Variants in AVEN observed in about 807,000 individuals in gnomAD.
AVEN encodes cell death regulator Aven.
AVEN carries 41 observed loss-of-function variants against 38.1 expected under a neutral mutation model. The observed-to-expected ratio is 1.08, with a 90% CI of 0.84 to 1.40. The LOEUF (loss-of-function observed/expected upper bound fraction) is 1.40, where lower values mean the gene tolerates loss of function less well. Ranked by LOEUF, AVEN falls within the 40% of genes most tolerant of loss-of-function variation. AVEN has a pLI of 0.00. For synonymous variants in AVEN, 206 were observed against 171.8 expected (o/e 1.20, Z -1.56); for missense variants, 605 against 438.8 (o/e 1.38, Z -3.38).
chr15:33,878,053 T>C (rs7178927), intron 2 of AVEN, among the ~76,000 whole-genome samples: 5,676 of 152,130 alleles, frequency 0.037, 318 homozygotes, highest in South Asian at 0.12. Flanking sequence ...GAATAAACAT[T>C]TATTAAAAGA....
chr15:34,043,924 C>T (rs928400953), upstream of AVEN, among the ~76,000 whole-genome samples: 2 of 152,084 alleles, frequency 1.3e-5, no homozygotes, highest in Non-Finnish European at 2.9e-5. Context: ...GTCTCTGTCC[C>T]AGTCCAAGGC....
At chr15:33,956,209 G>A (rs769638720) in intron 2 of AVEN, among the ~76,000 whole-genome samples, 21 of 152,020 alleles carry the variant, frequency 1.4e-4, no homozygotes, top group East Asian at 5.8e-4. Flanking sequence ...AAGTCAACAC[G>A]CCTGCCCCTA....
intron 5 of AVEN, chr15:34,062,538 A>G (rs8033781): frequency 0.18 from 101,674 of 566,594 alleles, 11,833 homozygotes; most frequent in Middle Eastern, 0.25. Context: ...CTGGGTGACA[A>G]AGCGAGATTC....
At chr15:34,039,811 G>A (rs1235372135), upstream of AVEN, among the ~76,000 whole-genome samples, 1 of 152,186 alleles carries the variant, frequency 6.6e-6, no homozygotes, top group Non-Finnish European at 1.5e-5. Context: ...TTATTCTGCA[G>A]TGAGGTAACA....
chr15:34,057,707 G>A (rs1031772768), intron 5 of AVEN, among the ~76,000 whole-genome samples: 3 of 152,190 alleles, frequency 2.0e-5, no homozygotes, highest in Non-Finnish European at 4.4e-5. Flanking sequence ...TGAGGCAGGA[G>A]GATCGCTTGA....
rs1350317006 is a variant in AVEN at position 34,039,179 on chromosome 15, G to T, written c.-133C>A. 1 of 793,488 alleles carries T rather than the reference G, an allele frequency of 1.3e-6. No individual in the cohort carries two copies. Among genetic ancestry groups the T allele is most frequent in the African/African-American group, 1.9e-5 (1 of 53,558 alleles). 49.2% of individuals were successfully genotyped at this position (793,488 alleles called of 1,614,324 possible). A position where few individuals can be genotyped will look rare whatever the true frequency, so the allele number is the denominator to read the frequency against. ...GGTAGCAGCGAGGCGCGGGGTGCGGGGCTAGGGATCGAGGCCGGCCGCAGC... is the reference window on the plus strand; with the variant it reads ...GGTAGCAGCGAGGCGCGGGGTGCGGTGCTAGGGATCGAGGCCGGCCGCAGC... On this transcript the variant is annotated 5_prime_UTR_variant, in exon 1 of 6. Transcript: ENST00000306730.
intron 3 of AVEN, among the ~76,000 whole-genome samples, chr15:33,871,976 C>T (rs934796487): frequency 6.6e-6 from 1 of 152,162 alleles, no homozygotes; most frequent in Non-Finnish European, 1.5e-5. Flanking sequence ...TTAAAGTATT[C>T]GGTGCATTAT....
intron 2 of AVEN, among the ~76,000 whole-genome samples, chr15:33,982,045 T>C (rs1271228908): frequency 2.7e-5 from 4 of 149,600 alleles, no homozygotes; most frequent in Non-Finnish European, 4.4e-5. Context: ...TTTTTTTTTA[T>C]TAGTAGAGAC....
chr15:34,003,099 T>C lies in AVEN; in HGVS notation c.378A>G (p.Lys126=), dbSNP rs768844480. Reference sequence around the variant, plus strand: ...ACTCTCCACTTTCATTATTGACCTCTTTTTCAATATCTTGATATCGATCCC... The same window carrying C: ...ACTCTCCACTTTCATTATTGACCTCCTTTTCAATATCTTGATATCGATCCC... ...SNWDRYQDIE[K]EVNNESGESQ... is the part of the protein sequence containing the mutation. Residue 126 remains lysine, a synonymous_variant, in exon 2 of 6, where the codon AAA becomes AAG. Transcript: ENST00000306730. 2.5e-6 allele frequency: 4 copies of C among 1,613,786 alleles called. No homozygotes were observed. The Admixed American group carries it at 5.0e-5, about 20-fold the overall frequency.
intron 11 of AVEN, among the ~76,000 whole-genome samples, chr15:33,860,890 G>C (rs1887948672): frequency 6.6e-6 from 1 of 151,732 alleles, no homozygotes; most frequent in South Asian, 2.1e-4. Context: ...CTAATCAGGA[G>C]CTAAGTGTAT....
intron 2 of AVEN, among the ~76,000 whole-genome samples, chr15:33,974,127 T>C (rs1013382057): frequency 2.0e-5 from 3 of 152,218 alleles, no homozygotes; most frequent in African/African-American, 7.2e-5. Flanking sequence ...GGAAATCACG[T>C]TTGCTATACT....
At chr15:33,960,754 C>T (rs1895131157) in intron 2 of AVEN, among the ~76,000 whole-genome samples, 1 of 152,102 alleles carries the variant, frequency 6.6e-6, no homozygotes, top group Non-Finnish European at 1.5e-5. Context: ...TTGAGTATAA[C>T]ATAAAGATAA....
chr15:33,939,563 C>T (rs753505439), intron 2 of AVEN, among the ~76,000 whole-genome samples: 9 of 152,188 alleles, frequency 5.9e-5, no homozygotes, highest in African/African-American at 2.4e-5. Flanking sequence ...TATCAAACTA[C>T]GAACCAGGAG....
At chr15:33,924,557 A>ACCT (rs1337867484) in intron 2 of AVEN, among the ~76,000 whole-genome samples, 1 of 152,106 alleles carries the variant, frequency 6.6e-6, no homozygotes, top group Non-Finnish European at 1.5e-5. Context: ...CCTGGGCTCA[A>ACCT]GCCATCCACC....
chr15:33,900,456 A>G (rs1263779628), intron 2 of AVEN, among the ~76,000 whole-genome samples: 3 of 151,996 alleles, frequency 2.0e-5, no homozygotes, highest in African/African-American at 7.3e-5. Context: ...TACAGGCATG[A>G]GCCACCACGC....
downstream of AVEN, among the ~76,000 whole-genome samples, chr15:33,861,614 T>A (rs1277021683): frequency 2.0e-5 from 3 of 152,176 alleles, no homozygotes; most frequent in Non-Finnish European, 2.9e-5. Flanking sequence ...ATTTTTCTCT[T>A]TTCATTCTCC....
intron 2 of AVEN, among the ~76,000 whole-genome samples, chr15:33,894,184 A>G (rs1441704687): frequency 2.0e-5 from 3 of 151,980 alleles, no homozygotes; most frequent in Non-Finnish European, 4.4e-5. Context: ...TCTTGACCTT[A>G]GGTGATCTGC....
chr15:34,006,971 T>C, intron 1 of AVEN: 2 of 690,104 alleles, frequency 2.9e-6, no homozygotes, highest in Non-Finnish European at 3.6e-6. Flanking sequence ...GTGAAAACTA[T>C]AAAGATAAAG....
At chr15:33,937,041 G>A (rs1715360193) in intron 2 of AVEN, among the ~76,000 whole-genome samples, 1 of 148,948 alleles carries the variant, frequency 6.7e-6, no homozygotes, top group South Asian at 2.1e-4. Context: ...TGAGGCAGGA[G>A]AATGGCGTGA....
Sources: allele counts gnomAD v4.1 joint callset (sites outside exome capture counted in the v4.1 genomes callset), GRCh38; gene constraint gnomAD v4.1.1; transcripts MANE v1.5; gene names NCBI Gene and HGNC (gene_info 2026-07-23, HGNC 2026-07-21).